Variants in SDHAF3 observed in about 807,000 individuals in gnomAD.
SDHAF3 encodes succinate dehydrogenase complex assembly factor 3.
In SDHAF3, 18 loss-of-function variants were observed where a neutral mutation model predicts 11.5. That is an observed-to-expected ratio of 1.56 (90% confidence interval 1.08 to 2.32). SDHAF3 has a LOEUF of 2.32. Among genes scored for constraint, SDHAF3 ranks in the 30% most tolerant of loss-of-function variants. The pLI, the probability that SDHAF3 is intolerant of heterozygous loss-of-function variation, is 0.00. For missense variants in SDHAF3, 200 were observed against 154.4 expected (o/e 1.30, Z -1.57); for synonymous variants, 72 against 59.3 (o/e 1.21, Z -0.99).
chr7:97,156,599 A>C (rs1789304402), intron 1 of SDHAF3, among the ~76,000 whole-genome samples: 1 of 152,192 alleles, frequency 6.6e-6, no homozygotes, highest in Non-Finnish European at 1.5e-5. Context: ...TGTAGCACAT[A>C]TAAATAGCAT....
chr7:97,144,494 G>A (rs1789105725), intron 1 of SDHAF3, among the ~76,000 whole-genome samples: 1 of 152,134 alleles, frequency 6.6e-6, no homozygotes, highest in African/African-American at 2.4e-5. Flanking sequence ...TTTTGTATTA[G>A]GCAAGAGATG....
chr7:97,131,134 A>G (rs1289350536), intron 1 of SDHAF3, among the ~76,000 whole-genome samples: 1 of 152,230 alleles, frequency 6.6e-6, no homozygotes, highest in Non-Finnish European at 1.5e-5. Flanking sequence ...TCTAGTCAAG[A>G]TTTAAAATTA....
At chr7:97,118,895 G>T (rs1791450111) in intron 1 of SDHAF3, among the ~76,000 whole-genome samples, 1 of 152,154 alleles carries the variant, frequency 6.6e-6, no homozygotes, top group Non-Finnish European at 1.5e-5. Flanking sequence ...GAACAATCGG[G>T]AAATTTAGAA....
intron 1 of SDHAF3, among the ~76,000 whole-genome samples, chr7:97,140,722 C>G (rs894741878): frequency 3.9e-5 from 6 of 152,162 alleles, no homozygotes; most frequent in Non-Finnish European, 7.4e-5. Context: ...ATTTCTTAAT[C>G]CCGTCATCTT....
chr7:97,170,177 G>A (rs1006471952), intron 1 of SDHAF3, among the ~76,000 whole-genome samples: 1 of 151,366 alleles, frequency 6.6e-6, no homozygotes, highest in African/African-American at 2.4e-5. Context: ...TGTATACTTG[G>A]GTGAGTTTTG....
chr7:97,129,879 A>G (rs1485857167), intron 1 of SDHAF3, among the ~76,000 whole-genome samples: 2 of 152,048 alleles, frequency 1.3e-5, no homozygotes, highest in Admixed American at 6.5e-5. Context: ...GGATCCAGCC[A>G]TGGTGCACAG....
At chr7:97,168,052 C>G (rs957917668) in intron 1 of SDHAF3, among the ~76,000 whole-genome samples, 8 of 152,106 alleles carry the variant, frequency 5.3e-5, no homozygotes, top group Admixed American at 5.2e-4. Context: ...AGGGGAGGAG[C>G]CTGGTCTCTT....
intron 1 of SDHAF3, among the ~76,000 whole-genome samples, chr7:97,145,874 A>G (rs914731131): frequency 4.6e-5 from 7 of 152,182 alleles, no homozygotes; most frequent in Non-Finnish European, 1.0e-4. Flanking sequence ...CAACAGAGAG[A>G]GAATCTTCGT....
chr7:97,153,462 C>T (rs955351612), intron 1 of SDHAF3, among the ~76,000 whole-genome samples: 1 of 152,198 alleles, frequency 6.6e-6, no homozygotes, highest in East Asian at 1.9e-4. Context: ...GAAGGATATC[C>T]TGGTTGCTTC....
intron 1 of SDHAF3, among the ~76,000 whole-genome samples, chr7:97,166,629 C>T (rs1385340215): frequency 6.6e-6 from 1 of 151,988 alleles, no homozygotes; most frequent in African/African-American, 2.4e-5. Flanking sequence ...GCCTGAATTC[C>T]AAAAGGAAGA....
At chr7:97,167,185 T>C (rs1218309460) in intron 1 of SDHAF3, among the ~76,000 whole-genome samples, 26 of 151,654 alleles carry the variant, frequency 1.7e-4, no homozygotes, top group Admixed American at 7.2e-4. Flanking sequence ...TGGTGGGAGG[T>C]GACTGGATTA....
At chr7:97,119,680 G>T (rs1186257988) in intron 1 of SDHAF3, among the ~76,000 whole-genome samples, 1 of 152,118 alleles carries the variant, frequency 6.6e-6, no homozygotes, top group Non-Finnish European at 1.5e-5. Context: ...ATCCAATGGG[G>T]ATTCTACAAT....
At chr7:97,153,939 G>T (rs148561431) in intron 1 of SDHAF3, among the ~76,000 whole-genome samples, 2 of 152,168 alleles carry the variant, frequency 1.3e-5, no homozygotes, top group Admixed American at 1.3e-4. Context: ...ACATGCATCC[G>T]TGTGAAGAGA....
chr7:97,127,468 G>C (rs899344243), intron 1 of SDHAF3, among the ~76,000 whole-genome samples: 1 of 152,088 alleles, frequency 6.6e-6, no homozygotes, highest in Non-Finnish European at 1.5e-5. Context: ...CCATTCCTTT[G>C]TAACTCTCAT....
intron 1 of SDHAF3, among the ~76,000 whole-genome samples, chr7:97,167,862 G>A (rs1789533982): frequency 6.6e-6 from 1 of 152,240 alleles, no homozygotes; most frequent in African/African-American, 2.4e-5. Context: ...AAATGCCTAG[G>A]TAGATAGGGA....
At chr7:97,166,570 T>G (rs764077571) in intron 1 of SDHAF3, among the ~76,000 whole-genome samples, 4 of 152,180 alleles carry the variant, frequency 2.6e-5, no homozygotes, top group Non-Finnish European at 4.4e-5. Flanking sequence ...ACTGAGTCTG[T>G]TCTGTTAGTT....
intron 1 of SDHAF3, among the ~76,000 whole-genome samples, chr7:97,175,706 A>G (rs1048521196): frequency 6.6e-6 from 1 of 152,210 alleles, no homozygotes; most frequent in African/African-American, 2.4e-5. Flanking sequence ...TAATTGTTCT[A>G]TCACTGACAA....
At chr7:97,148,426 G>T (rs566054077) in intron 1 of SDHAF3, among the ~76,000 whole-genome samples, 1 of 152,238 alleles carries the variant, frequency 6.6e-6, no homozygotes, top group East Asian at 1.9e-4. Context: ...AGGCCCAGCT[G>T]CCCAGGATGC....
intron 1 of SDHAF3, among the ~76,000 whole-genome samples, chr7:97,130,730 G>A (rs1249227856): frequency 6.6e-6 from 1 of 152,234 alleles, no homozygotes; most frequent in African/African-American, 2.4e-5. Flanking sequence ...ACCACATAGT[G>A]AGTAAGGTGG....
Sources: gnomAD v4.1 joint callset for allele counts (sites outside exome capture counted in the v4.1 genomes callset) on GRCh38, gnomAD v4.1.1 for gene constraint, MANE v1.5 for transcripts, NCBI Gene and HGNC (gene_info 2026-07-23, HGNC 2026-07-21) for gene names.